The following AP3B1 variants were observed in gnomAD, a reference collection of about 807,000 sequenced individuals.
AP3B1 encodes the protein AP-3 complex subunit beta-1.
In AP3B1, 61 loss-of-function variants were observed where a neutral mutation model predicts 132.5. The ratio of observed to expected loss-of-function variants is 0.46; its 90% CI spans 0.37 to 0.57. The LOEUF (loss-of-function observed/expected upper bound fraction) is 0.57. AP3B1 is among the 20% of genes least tolerant of loss of function. The pLI is 0.00. For missense variants in AP3B1, 1,120 were observed against 1,289.4 expected, an observed-to-expected ratio of 0.87 and a Z score of 2.01; for synonymous variants, 388 against 438.3, an observed-to-expected ratio of 0.89 and a Z score of 1.43.
At chr5:78,257,758 T>G (rs1747909287) in intron 2 of AP3B1, among the ~76,000 whole-genome samples, 1 of 152,170 alleles carries the variant, frequency 6.6e-6, no homozygotes, top group Admixed American at 6.5e-5. Flanking sequence ...TCACATTACC[T>G]GACTTCAAAT....
intron 1 of AP3B1, among the ~76,000 whole-genome samples, chr5:78,276,423 C>A (rs1485895006): frequency 6.6e-6 from 1 of 152,120 alleles, no homozygotes; most frequent in African/African-American, 2.4e-5. Flanking sequence ...TGGGATGCAG[C>A]TAAAGCAATA....
intron 25 of AP3B1, among the ~76,000 whole-genome samples, chr5:78,017,736 T>G (rs1432860769): frequency 2.0e-5 from 3 of 152,036 alleles, no homozygotes; most frequent in Non-Finnish European, 4.4e-5. Flanking sequence ...TAAAAGTTCC[T>G]CCTAAAAAAT....
chr5:78,223,107 A>C, intron 6 of AP3B1, among the ~76,000 whole-genome samples: 1 of 145,696 alleles, frequency 6.9e-6, no homozygotes, highest in African/African-American at 2.5e-5. Context: ...CAATCCATCC[A>C]CCTTGGCCTC....
rs78561212 is a variant in AP3B1, at chr5:78,030,951, G to A, written c.2894+3410C>T. 5.4e-3 allele frequency among the ~76,000 whole-genome samples: 824 copies of A among 152,180 alleles called. 2 individuals carry two copies. Among genetic ancestry groups the A allele is most frequent in the African/African-American group, 0.019 (789 of 41,544 alleles). On this transcript the variant is annotated intron_variant, in intron 24 of 26. Coordinates refer to ENST00000255194, the MANE Select transcript of AP3B1 (RefSeq NM_003664.5). ...CGCTTTGGCCTCCCAACGTGCTAGG[G>A]TTATGGATGTAAGCCACCACATCCA... is the stretch of plus-strand genomic sequence containing the variant.
intron 7 of AP3B1, among the ~76,000 whole-genome samples, chr5:78,205,631 A>T (rs1008491954): frequency 2.0e-5 from 3 of 152,148 alleles, no homozygotes; most frequent in African/African-American, 7.2e-5. Flanking sequence ...AAAAAAGCAA[A>T]GGTCAATGTC....
intron 8 of AP3B1, among the ~76,000 whole-genome samples, chr5:78,180,319 C>T (rs1406421549): frequency 1.3e-5 from 2 of 151,986 alleles, no homozygotes; most frequent in African/African-American, 4.8e-5. Flanking sequence ...ATTAAGAATA[C>T]TTTCTCAATT....
At chr5:78,284,830 C>T (rs906606391) in intron 1 of AP3B1, among the ~76,000 whole-genome samples, 23 of 152,166 alleles carry the variant, frequency 1.5e-4, no homozygotes, top group Non-Finnish European at 2.9e-4. Context: ...ATTTTCTCTC[C>T]TCTACATCAG....
intron 1 of AP3B1, among the ~76,000 whole-genome samples, chr5:78,278,722 C>T (rs1305679202): frequency 6.7e-6 from 1 of 150,362 alleles, no homozygotes. Flanking sequence ...CCATCTGTGG[C>T]TTGTTAGAAA....
intron 1 of AP3B1, among the ~76,000 whole-genome samples, chr5:78,273,594 CAAGGTACACAAA>C (rs1453157807): frequency 6.6e-6 from 1 of 152,042 alleles, no homozygotes; most frequent in Non-Finnish European, 1.5e-5. Flanking sequence ...GAACCAGAGA[CAAGGTACACAAA>C]AATCTGTGTG....
In AP3B1 at chr5:78,113,656, T is replaced by G. The variant is rs188611027; in HGVS notation, c.2249+96A>C. On this transcript the variant is annotated intron_variant, in intron 19 of 26. Coordinates refer to ENST00000255194, the MANE Select transcript of AP3B1 (RefSeq NM_003664.5). ...TATCTGGAAAAAAATACACACTTTTTTTCTCTCACCATTTTTTGATTAATA... is the reference window on the plus strand; with the variant it reads ...TATCTGGAAAAAAATACACACTTTTGTTCTCTCACCATTTTTTGATTAATA... 1.3e-4 allele frequency: 182 copies of G among 1,400,994 alleles called. No homozygotes were observed. In the African/African-American group the frequency reaches 2.0e-3, roughly 15 times the overall value. The allele number at this position is 1,400,994 out of a possible 1,614,324, so 86.8% of individuals were successfully genotyped here.
Position 78,294,449 on chromosome 5 carries a change from C to T in AP3B1, c.128+3G>A, listed in dbSNP as rs1440739955. 2 of 1,614,174 alleles carry T rather than the reference C, an allele frequency of 1.2e-6. No individual in the cohort carries two copies. Among genetic ancestry groups the T allele is most frequent in the East Asian group, 2.2e-5 (1 of 44,880 alleles). On this transcript the variant is annotated splice_donor_region_variant and intron_variant, in intron 1 of 26. Transcript: ENST00000255194. ...TCCCCGCAACCCAAACCTTTCTCCTCACTTCTTCAAATCGCTGCTAAAGAG... is the reference window on the plus strand; with the variant it reads ...TCCCCGCAACCCAAACCTTTCTCCTTACTTCTTCAAATCGCTGCTAAAGAG...
At position 78,002,702 on chromosome 5, in the gene AP3B1, G is replaced by T; in HGVS notation, c.*200C>A. 1.5e-6 allele frequency: 1 copy of T among 659,250 alleles called. No homozygotes were observed. The allele number at this position is 659,250 out of a possible 1,614,324, so 40.8% of individuals were successfully genotyped here. A position where few individuals can be genotyped will look rare whatever the true frequency, so the allele number is the denominator to read the frequency against. On this transcript the variant is annotated 3_prime_UTR_variant, in exon 27 of 27. Transcript: ENST00000255194. ...CTGACAGTAAAATATATGCTCTTTG[G>T]TTAGCAAAGCAAAAAGGGGGAAAGT... is the stretch of plus-strand genomic sequence containing the variant.
chr5:78,099,790 G>A (rs934029174), intron 21 of AP3B1, among the ~76,000 whole-genome samples: 9 of 151,996 alleles, frequency 5.9e-5, no homozygotes, highest in African/African-American at 1.9e-4. Context: ...TCAGGAGGCT[G>A]AGGCAGGAGA....
At chr5:78,080,149 C>T (rs1749928899) in intron 22 of AP3B1, among the ~76,000 whole-genome samples, 1 of 152,092 alleles carries the variant, frequency 6.6e-6, no homozygotes, top group Non-Finnish European at 1.5e-5. Context: ...GCTGGAACCA[C>T]AGGTGTGTGC....
At chr5:78,095,109 C>G (rs554232629) in intron 21 of AP3B1, among the ~76,000 whole-genome samples, 42 of 152,286 alleles carry the variant, frequency 2.8e-4, no homozygotes. Context: ...AATCTAATTG[C>G]CAGTTTATCT....
At position 78,129,130 on chromosome 5, in the gene AP3B1, G is replaced by T; in HGVS notation, c.1828C>A (p.Pro610Thr). ...TATATTCTGATAATACCTTTAAAAG[G>T]AGACTCAAGCAGTGGTGCAGGCTTT... ...AQKPAPLLES[P>T]FKDRDHFQLG... Residue 610 changes from proline to threonine, a missense_variant, in exon 16 of 27, where the codon CCT (proline) becomes ACT (threonine). By Grantham distance (38) the Pro-to-Thr change is conservative. This residue lies in a region of AP3B1 where 906 missense variants were observed against 997.1 expected (regional missense o/e 0.91). Coordinates refer to ENST00000255194, the MANE Select transcript of AP3B1 (RefSeq NM_003664.5). 1 of 1,611,832 alleles carries T rather than the reference G, an allele frequency of 6.2e-7. No homozygotes were observed. The highest frequency in any genetic ancestry group is 8.5e-7 in the Non-Finnish European group (1 of 1,178,948).
At chr5:78,062,779 C>G (rs555617253) in intron 22 of AP3B1, among the ~76,000 whole-genome samples, 5 of 152,236 alleles carry the variant, frequency 3.3e-5, no homozygotes, top group African/African-American at 1.2e-4. Flanking sequence ...TGAGAGCAAG[C>G]TGCAATATTT....
At chr5:78,276,880 A>AG (rs1561216012) in intron 1 of AP3B1, among the ~76,000 whole-genome samples, 5 of 150,296 alleles carry the variant, frequency 3.3e-5, no homozygotes, top group African/African-American at 1.2e-4. Context: ...AAAAAAAAAA[A>AG]AAGAAGAAGA....
intron 22 of AP3B1, among the ~76,000 whole-genome samples, chr5:78,040,181 T>A (rs908413841): frequency 1.1e-4 from 16 of 152,226 alleles, no homozygotes; most frequent in Non-Finnish European, 7.3e-5. Flanking sequence ...ACTTATATTT[T>A]CTTCCAGACC....
Sources: allele counts gnomAD v4.1 joint callset (sites outside exome capture counted in the v4.1 genomes callset), GRCh38; gene constraint gnomAD v4.1.1; regional missense constraint gnomAD v4.1.1; transcripts MANE v1.5; gene names NCBI Gene and HGNC (gene_info 2026-07-23, HGNC 2026-07-21).